C1RL: variants seen among roughly 807,000 people sequenced by gnomAD.
C1RL encodes complement C1r subcomponent like, also known as complement C1r subcomponent-like protein.
A neutral mutation model predicts 27.9 loss-of-function variants in C1RL; 27 were observed. The ratio of observed to expected loss-of-function variants is 0.97; its 90% CI spans 0.71 to 1.33. C1RL has a LOEUF of 1.33. C1RL is among the 40% of genes most tolerant of loss of function. The pLI is 0.00. For missense variants in C1RL, 563 were observed against 623.9 expected, an observed-to-expected ratio of 0.90 and a Z score of 1.04; for synonymous variants, 248 against 252.1, an observed-to-expected ratio of 0.98 and a Z score of 0.15.
intron 2 of C1RL, among the ~76,000 whole-genome samples, chr12:7,107,433 G>A (rs1430867561): frequency 1.3e-5 from 2 of 152,022 alleles, no homozygotes; most frequent in Admixed American, 1.3e-4. Context: ...GCCTCCCAAA[G>A]TGCTGGGACT....
At chr12:7,102,695 G>T (rs1938660273) in intron 2 of C1RL, among the ~76,000 whole-genome samples, 1 of 152,160 alleles carries the variant, frequency 6.6e-6, no homozygotes, top group South Asian at 2.1e-4. Context: ...CTTATCCCAT[G>T]CACTTTGTAA....
chr12:7,097,225 AC>A, intron 5 of C1RL, 62 bp from the exon 6 acceptor site: 1 of 1,456,606 alleles, frequency 6.9e-7, no homozygotes, highest in East Asian at 2.3e-5. Context: ...CTGATTAAAG[AC>A]CTGCTTCTCT....
intron 2 of C1RL, among the ~76,000 whole-genome samples, chr12:7,106,793 G>C (rs1938778533): frequency 6.6e-6 from 1 of 152,140 alleles, no homozygotes; most frequent in South Asian, 2.1e-4. Context: ...AAACCCAAAA[G>C]TTGGAGAAGA....
chr12:7,106,844 A>C (rs1033225431), intron 2 of C1RL, among the ~76,000 whole-genome samples: 7 of 152,254 alleles, frequency 4.6e-5, no homozygotes, highest in African/African-American at 1.7e-4. Context: ...TCAGATGTGA[A>C]TATTTTACAG....
intron 2 of C1RL, among the ~76,000 whole-genome samples, chr12:7,106,362 A>G (rs1370221579): frequency 6.6e-6 from 1 of 152,204 alleles, no homozygotes; most frequent in African/African-American, 2.4e-5. Context: ...ATCTTCTAAA[A>G]TTCACTCTAA....
chr12:7,108,233 C>T lies in C1RL; in HGVS notation c.300+18G>A, dbSNP rs771331408. 7.0e-6 allele frequency: 11 copies of T among 1,578,592 alleles called. No homozygotes were observed. The highest frequency in any genetic ancestry group is 1.4e-5 in the African/African-American group (1 of 74,060). ...CCTGGCCACAGTCCTGGCGGGACCC[C>T]CCCCATCCCCAGCTCACTGTGACAG... is the stretch of plus-strand genomic sequence containing the variant. On this transcript the variant is annotated intron_variant, in intron 2 of 5. Transcript: ENST00000266542.
In C1RL at chr12:7,096,441, C is replaced by T; in HGVS notation, c.1414G>A (p.Val472Met). ...CGEGYDFYTK[V>M]LSYVDWIKGV... The stretch of plus-strand genomic sequence containing the variant: ...TTGATCCAGTCCACATAGCTGAGCA[C>T]CTTGGTGTAGAAGTCATACCCTTCG... The change falls in exon 6 of 6, where the codon GTG becomes ATG. Residue 472 changes from valine to methionine, a missense_variant. Transcript: ENST00000266542. 1.2e-6 allele frequency: 2 copies of T among 1,613,860 alleles called. No individual in the cohort carries two copies. The highest frequency in any genetic ancestry group is 1.7e-6 in the Non-Finnish European group (2 of 1,179,906).
At chr12:7,105,153 G>T (rs1938728847) in intron 2 of C1RL, among the ~76,000 whole-genome samples, 1 of 152,154 alleles carries the variant, frequency 6.6e-6, no homozygotes. Flanking sequence ...TGACAGTTGG[G>T]AGGCCCCCAG....
rs886410249 is a variant in C1RL at position 7,099,528 on chromosome 12, T to C, written c.691+158A>G. On this transcript the variant is annotated intron_variant, in intron 5 of 5. Coordinates refer to ENST00000266542, the MANE Select transcript of C1RL (RefSeq NM_016546.4). ...AAGAATGAGGAACAAGCTCCCTGCCTGTTCTTTTCTGGGCCTTCTTGATTG... is the reference window on the plus strand; with the variant it reads ...AAGAATGAGGAACAAGCTCCCTGCCCGTTCTTTTCTGGGCCTTCTTGATTG... 15 of 953,226 alleles carry C rather than the reference T, an allele frequency of 1.6e-5. 1 individual carries two copies. The African/African-American group carries it at 2.5e-4, about 16-fold the overall frequency. The allele number at this position is 953,226 out of a possible 1,614,324, so 59.0% of individuals were successfully genotyped here.
chr12:7,094,933 G>T lies in C1RL; in HGVS notation c.*1458C>A. 7.4e-6 allele frequency: 8 copies of T among 1,084,596 alleles called. No individual in the cohort carries two copies. The highest frequency in any genetic ancestry group is 7.9e-6 in the Non-Finnish European group (7 of 887,488). The allele number at this position is 1,084,596 out of a possible 1,614,324, so 67.2% of individuals were successfully genotyped here. A position where few individuals can be genotyped will look rare whatever the true frequency, so the allele number is the denominator to read the frequency against. On this transcript the variant is annotated 3_prime_UTR_variant, in exon 6 of 6. Coordinates refer to ENST00000266542, the MANE Select transcript of C1RL (RefSeq NM_016546.4). ...CTGTATGTGGGTGTAAAAAACAGAAGTAATCACATGTATGTACAACTTTGA... is the reference window on the plus strand; with the variant it reads ...CTGTATGTGGGTGTAAAAAACAGAATTAATCACATGTATGTACAACTTTGA...
At chr12:7,108,012 C>A (rs1263887731) in intron 2 of C1RL, 1 of 413,544 alleles carries the variant, frequency 2.4e-6, no homozygotes, top group Non-Finnish European at 4.3e-6. Context: ...GCCTTCCAAA[C>A]GCAGGGCCTG....
chr12:7,096,280 T>TGCCCCCCCCCC lies in C1RL; in HGVS notation c.*110_*111insGGGGGGGGGGC. The TGCCCCCCCCCC allele has an allele frequency of 5.0e-6, 5 of 992,726 alleles. No individual in the cohort carries two copies. The highest frequency in any genetic ancestry group is 4.8e-6 in the Non-Finnish European group (4 of 832,232). 61.5% of individuals were successfully genotyped at this position (992,726 alleles called of 1,614,324 possible). ...GTGATGTGAATAGGATTTCCCTGCC[T>TGCCCCCCCCCC]CCCCCAACCCCCCACCCCCAACCCC... On this transcript the variant is annotated 3_prime_UTR_variant, in exon 6 of 6. Coordinates refer to ENST00000266542, the MANE Select transcript of C1RL (RefSeq NM_016546.4).
rs976001606 is a variant in C1RL, at chr12:7,094,674, TAGAGA to T, written c.*1712_*1716del. The T allele has an allele frequency of 1.1e-4, 107 of 980,666 alleles. No homozygotes were observed. In the African/African-American group the frequency reaches 1.6e-3, roughly 15 times the overall value. 60.7% of individuals were successfully genotyped at this position (980,666 alleles called of 1,614,324 possible). A position where few individuals can be genotyped will look rare whatever the true frequency, so the allele number is the denominator to read the frequency against. ...TGCTCATTAAACAAATTTTAGCCAA[TAGAGA>T]ATAGTGGAAAACCAAACAGCCAAAA... On this transcript the variant is annotated 3_prime_UTR_variant, in exon 6 of 6. Coordinates refer to ENST00000266542, the MANE Select transcript of C1RL (RefSeq NM_016546.4).
chr12:7,105,346 T>C (rs1938737064), intron 2 of C1RL, among the ~76,000 whole-genome samples: 2 of 152,104 alleles, frequency 1.3e-5, no homozygotes, highest in East Asian at 3.8e-4. Flanking sequence ...CTCGGCTTAC[T>C]ACAACCTCCA....
chr12:7,101,816 G>A, intron 3 of C1RL, 82 bp downstream of exon 3: 2 of 1,440,710 alleles, frequency 1.4e-6, no homozygotes, highest in Non-Finnish European at 1.9e-6. Context: ...TGTCACTCAA[G>A]CTTCCACTTA....
intron 2 of C1RL, 52 bp downstream of exon 2, chr12:7,108,199 G>T: frequency 7.1e-7 from 1 of 1,406,638 alleles, no homozygotes; most frequent in Non-Finnish European, 9.6e-7. Context: ...CCACAACCCC[G>T]GGAATCTCCC....
chr12:7,108,966 G>A, intron 1 of C1RL, 144 bp downstream of exon 1: 2 of 367,774 alleles, frequency 5.4e-6, no homozygotes, highest in East Asian at 1.1e-4. Context: ...ATGTGGGGGA[G>A]GTGTGTGTGT....
rs1416465445 is a variant in C1RL at position 7,100,026 on chromosome 12, G to T, written c.491C>A (p.Ala164Asp). 1.2e-6 allele frequency: 2 copies of T among 1,610,586 alleles called. No homozygotes were observed. Among genetic ancestry groups the T allele is most frequent in the Non-Finnish European group, 1.7e-6 (2 of 1,178,570 alleles). Residue 164 changes from alanine (A) to aspartate (D), a missense_variant and splice_region_variant, in exon 4 of 6, where the codon GCT (alanine) becomes GAT (aspartate). By Grantham distance (126) the Ala-to-Asp change is moderately radical. Transcript: ENST00000266542. ...KGFLALYQTV[A>D]VNYSQPISEA... ...GCTGATGGGCTGACTATAGTTCACAGCTATAGGAAAACAGCACCTAGCACA... is the reference window on the plus strand; with the variant it reads ...GCTGATGGGCTGACTATAGTTCACATCTATAGGAAAACAGCACCTAGCACA...
In C1RL at chr12:7,108,325, C is replaced by A; in HGVS notation, c.226G>T (p.Gly76Cys). 1 of 1,614,258 alleles carries A rather than the reference C, an allele frequency of 6.2e-7. No individual in the cohort carries two copies. Among genetic ancestry groups the A allele is most frequent in the Non-Finnish European group, 8.5e-7 (1 of 1,180,040 alleles). Reference sequence around the variant, plus strand: ...TGGAAGACGAGCCTCACAGCAAAGCCCTCTGGAGCCTTGATGTCCGTGCTG... The same window carrying A: ...TGGAAGACGAGCCTCACAGCAAAGCACTCTGGAGCCTTGATGTCCGTGCTG... ...ESSTDIKAPE[G>C]FAVRLVFQDF... Residue 76 changes from glycine to cysteine, a missense_variant, in exon 2 of 6, where the codon GGC becomes TGC. Physicochemically the swap from Gly to Cys is radical, Grantham distance 159 (BLOSUM62 -3). Transcript: ENST00000266542.
Sources: gnomAD v4.1 joint callset for allele counts (sites outside exome capture counted in the v4.1 genomes callset) on GRCh38, gnomAD v4.1.1 for gene constraint, MANE v1.5 for transcripts, NCBI Gene and HGNC (gene_info 2026-07-23, HGNC 2026-07-21) for gene names.